The following ITSN2 variants were observed in gnomAD, a reference collection of about 807,000 sequenced individuals.
ITSN2 encodes intersectin 2.
Under a neutral mutation model 243.7 loss-of-function variants are expected in ITSN2, and 156 were observed. That is an observed-to-expected ratio of 0.64 (90% CI 0.56 to 0.73). The LOEUF (loss-of-function observed/expected upper bound fraction) is 0.73. ITSN2 is among the 30% of genes least tolerant of loss of function. The pLI, the probability that ITSN2 is intolerant of heterozygous loss-of-function variation, is 0.00. For synonymous variants in ITSN2, 703 were observed against 699.9 expected (o/e 1.00, Z -0.07); for missense variants, 1,801 against 1,996.1 (o/e 0.90, Z 1.86).
At chr2:24,361,195 C>T (rs1362690648), upstream of ITSN2, among the ~76,000 whole-genome samples, 2 of 152,182 alleles carry the variant, frequency 1.3e-5, no homozygotes, top group Non-Finnish European at 2.9e-5. Context: ...ACTCTGTCCC[C>T]ATAGAGCATA....
At chr2:24,330,318 G>C in intron 1 of ITSN2, 2 of 420,918 alleles carry the variant, frequency 4.8e-6, no homozygotes, top group South Asian at 4.0e-5. Context: ...AAGAAGACGC[G>C]AGAACGAACC....
chr2:24,299,828 T>A (rs1681492288), intron 12 of ITSN2, 81 bp downstream of exon 12: 1 of 1,245,712 alleles, frequency 8.0e-7, no homozygotes, highest in Non-Finnish European at 1.1e-6. Flanking sequence ...AATTCAAAAA[T>A]AAGCATTTTT....
chr2:24,294,455 A>C (rs928266386), intron 14 of ITSN2, among the ~76,000 whole-genome samples: 2 of 152,194 alleles, frequency 1.3e-5, no homozygotes, highest in South Asian at 4.1e-4. Flanking sequence ...AAGCAGGTTT[A>C]AATCAGACAG....
intron 8 of ITSN2, among the ~76,000 whole-genome samples, chr2:24,307,943 T>C (rs911974247): frequency 4.6e-5 from 7 of 152,230 alleles, no homozygotes; most frequent in Non-Finnish European, 8.8e-5. Context: ...TCTCATTCTA[T>C]GTTCCTTAGC....
At chr2:24,261,522 G>C (rs757124909) in intron 21 of ITSN2, 39 bp downstream of exon 21, 12 of 1,447,296 alleles carry the variant, frequency 8.3e-6, no homozygotes, top group Non-Finnish European at 9.6e-6. Flanking sequence ...TTACACATTT[G>C]CAGATCTATA....
intron 36 of ITSN2, among the ~76,000 whole-genome samples, chr2:24,208,593 G>A (rs190818999): frequency 6.6e-6 from 1 of 152,294 alleles, no homozygotes; most frequent in Non-Finnish European, 1.5e-5. Context: ...GATGATACCT[G>A]TCACGAGGGG....
intron 13 of ITSN2, among the ~76,000 whole-genome samples, chr2:24,296,009 A>G (rs79751748): frequency 6.6e-6 from 1 of 152,206 alleles, no homozygotes; most frequent in Non-Finnish European, 1.5e-5. Flanking sequence ...TCATTCTCAG[A>G]GTGCAAGAGC....
At position 24,225,567 on chromosome 2, in the gene ITSN2, C is replaced by T. The variant is rs1383146658; in HGVS notation, c.3578-4501G>A. 6.6e-6 allele frequency among the ~76,000 whole-genome samples: 1 copy of T among 152,136 alleles called. No individual in the cohort carries two copies. The highest frequency in any genetic ancestry group is 1.5e-5 in the Non-Finnish European group (1 of 68,036). Reference sequence around the variant, plus strand: ...GCCTTTCTCAGCCCTTGAGCCTCTCCTCTTCTTGGTGTTTCCTTCTGTCTT... The same window carrying T: ...GCCTTTCTCAGCCCTTGAGCCTCTCTTCTTCTTGGTGTTTCCTTCTGTCTT... On this transcript the variant is annotated intron_variant, in intron 29 of 39. Transcript: ENST00000355123. The surrounding 1 kb of genome is among the most constrained non-coding windows in gnomAD (Gnocchi z 4.2).
chr2:24,338,819 C>A (rs376962349), intron 1 of ITSN2, among the ~76,000 whole-genome samples: 1 of 151,970 alleles, frequency 6.6e-6, no homozygotes, highest in African/African-American at 2.4e-5. Context: ...AGCAAGACCC[C>A]AACTCTACAA....
chr2:24,341,833 G>A (rs1001959560), intron 1 of ITSN2, among the ~76,000 whole-genome samples: 2 of 152,130 alleles, frequency 1.3e-5, no homozygotes, highest in African/African-American at 2.4e-5. Flanking sequence ...CAGCCTGGGC[G>A]ACAGAGCAAG....
intron 29 of ITSN2, among the ~76,000 whole-genome samples, chr2:24,224,657 G>A (rs1670846175): frequency 6.6e-6 from 1 of 150,462 alleles, no homozygotes; most frequent in Admixed American, 6.6e-5. Flanking sequence ...TTTTTGAGAC[G>A]GAGTCTCACT....
chr2:24,356,629 G>C (rs992768557), intron 1 of ITSN2, among the ~76,000 whole-genome samples: 1 of 152,058 alleles, frequency 6.6e-6, no homozygotes, highest in South Asian at 2.1e-4. Context: ...AAACCACAAT[G>C]ATGGCCGGGT....
At chr2:24,302,280 G>A (rs1161853880) in intron 9 of ITSN2, among the ~76,000 whole-genome samples, 178 bp from the exon 10 acceptor site, 1 of 151,984 alleles carries the variant, frequency 6.6e-6, no homozygotes, top group Admixed American at 6.6e-5. Context: ...CTCACTGCAA[G>A]CTCCGCCTCC....
chr2:24,297,786 G>A (rs559479835), intron 13 of ITSN2, among the ~76,000 whole-genome samples: 10 of 152,194 alleles, frequency 6.6e-5, no homozygotes, highest in East Asian at 1.9e-4. Context: ...GGAAAAGTGA[G>A]GCACAGAGAA....
chr2:24,223,844 GAAAA>G (rs1670731734), intron 29 of ITSN2, among the ~76,000 whole-genome samples: 1 of 134,882 alleles, frequency 7.4e-6, no homozygotes, highest in Non-Finnish European at 1.6e-5. Flanking sequence ...AAAGAAACAA[GAAAA>G]AGAAAGAAAG....
chr2:24,291,661 T>C (rs1420750795), intron 15 of ITSN2, among the ~76,000 whole-genome samples: 2 of 152,134 alleles, frequency 1.3e-5, no homozygotes, highest in Non-Finnish European at 2.9e-5. Flanking sequence ...AGCTAATTTT[T>C]GTATTTTTAG....
chr2:24,239,514 T>C (rs1046616772), intron 29 of ITSN2: 1 of 152,086 alleles, frequency 6.6e-6, no homozygotes, highest in Non-Finnish European at 1.5e-5. Context: ...TTTTTTCATT[T>C]CTGGAAAACC....
intron 2 of ITSN2, among the ~76,000 whole-genome samples, chr2:24,327,500 T>C (rs1001636213): frequency 4.6e-5 from 7 of 152,104 alleles, no homozygotes; most frequent in Non-Finnish European, 8.8e-5. Context: ...GGTTTCACCA[T>C]GTTGACCAGG....
chr2:24,339,814 C>T, intron 1 of ITSN2, among the ~76,000 whole-genome samples: 1 of 151,964 alleles, frequency 6.6e-6, no homozygotes, highest in East Asian at 1.9e-4. Context: ...ATCACTTGAG[C>T]CTAGGAGCTC....
Sources: allele counts gnomAD v4.1 joint callset (sites outside exome capture counted in the v4.1 genomes callset), GRCh38; gene constraint gnomAD v4.1.1; non-coding constraint Gnocchi (gnomAD v3.1); transcripts MANE v1.5; gene names NCBI Gene and HGNC (gene_info 2026-07-23, HGNC 2026-07-21).